The following FAM111B variants were observed in gnomAD, a reference collection of about 807,000 sequenced individuals.
FAM111B encodes serine protease FAM111B.
In FAM111B, 1 loss-of-function variant was observed where a neutral mutation model predicts 2.8. The ratio of observed to expected loss-of-function variants is 0.36; its 90% confidence interval spans 0.13 to 1.70. The LOEUF (loss-of-function observed/expected upper bound fraction) is 1.70, where lower values mean the gene tolerates loss of function less well. Ranked by LOEUF, FAM111B falls within the 40% of genes most tolerant of loss-of-function variation. The pLI, the probability that FAM111B is intolerant of heterozygous loss-of-function variation, is 0.35. For synonymous variants in FAM111B, 297 were observed against 295.6 expected (o/e 1.00, Z -0.05); for missense variants, 882 against 878.9 (o/e 1.00, Z -0.04).
At chr11:59,120,689 A>G (rs2135401377) in intron 3 of FAM111B, among the ~76,000 whole-genome samples, 1 of 152,274 alleles carries the variant, frequency 6.6e-6, no homozygotes, top group South Asian at 2.1e-4. Flanking sequence ...CCCTCTGTGT[A>G]TGTCTATGTC....
rs1262227528 is a variant in FAM111B, at chr11:59,125,956, T to TAA, written c.1860_1861insAA (p.Tyr621AsnfsTer86). On this transcript the variant is annotated frameshift_variant, in exon 4 of 4. Coordinates refer to ENST00000343597, the MANE Select transcript of FAM111B (RefSeq NM_198947.4). LOFTEE classifies it low-confidence loss of function (END_TRUNC). ...GATCTCTATGATACCACCAGTAATG[T>TAA]ATACTGTATGTTTACCCAAAGAAGT... The TAA allele has an allele frequency of 8.7e-6, 14 of 1,613,738 alleles. No homozygotes were observed. Among genetic ancestry groups the TAA allele is most frequent in the Non-Finnish European group, 1.2e-5 (14 of 1,179,764 alleles).
intron 3 of FAM111B, among the ~76,000 whole-genome samples, chr11:59,116,447 G>A (rs1433682093): frequency 6.6e-6 from 1 of 152,142 alleles, no homozygotes; most frequent in African/African-American, 2.4e-5. Context: ...GAAATTCTGT[G>A]TCCCAAAGGC....
chr11:59,115,647 TATC>T (rs1590889327), intron 3 of FAM111B, among the ~76,000 whole-genome samples: 1 of 152,252 alleles, frequency 6.6e-6, no homozygotes, highest in Non-Finnish European at 1.5e-5. Flanking sequence ...TGTATGCTAA[TATC>T]ATTGCATGTG....
intron 3 of FAM111B, among the ~76,000 whole-genome samples, chr11:59,118,206 G>C (rs1027008200): frequency 6.6e-5 from 10 of 152,218 alleles, no homozygotes; most frequent in African/African-American, 2.4e-4. Flanking sequence ...TGACTGTGGA[G>C]AGGTGGAATT....
Position 59,124,725 on chromosome 11 carries a change from A to T in FAM111B, c.628A>T (p.Lys210Ter). The change falls in exon 4 of 4, where the codon AAA (lysine) becomes TAA (stop). Residue 210 changes from lysine to a stop codon, truncating the protein, a stop_gained. Coordinates refer to ENST00000343597, the MANE Select transcript of FAM111B (RefSeq NM_198947.4). LOFTEE classifies it low-confidence loss of function (END_TRUNC). The stretch of plus-strand genomic sequence containing the variant: ...CAACGAACTTCATGAAAAAGGAAGT[A>T]AACTTTGTATTTATGCCTTGAAGGG... ...KINELHEKGSKLCIYALKGET... is the reference protein window; with the variant it reads ...KINELHEKGS 6.2e-7 allele frequency: 1 copy of T among 1,613,762 alleles called. No homozygotes were observed. The highest frequency in any genetic ancestry group is 1.1e-5 in the South Asian group (1 of 91,026).
chr11:59,125,534 C>T lies in FAM111B; in HGVS notation c.1437C>T (p.Val479=). Residue 479 remains valine, a synonymous_variant, in exon 4 of 4, where the codon GTC becomes GTT. Transcript: ENST00000343597. ...NGNTGNATCF[V]FNGGYIFTCR... is the part of the protein sequence containing the mutation. ...ACACAGGTAATGCTACTTGCTTTGT[C>T]TTCAATGGTGGTTATATTTTCACCT... is the stretch of plus-strand genomic sequence containing the variant. 1 of 1,613,940 alleles carries T rather than the reference C, an allele frequency of 6.2e-7. No individual in the cohort carries two copies.
At chr11:59,116,943 T>C (rs1249198807) in intron 3 of FAM111B, among the ~76,000 whole-genome samples, 1 of 152,176 alleles carries the variant, frequency 6.6e-6, no homozygotes, top group Non-Finnish European at 1.5e-5. Context: ...GGCATCCCTT[T>C]CTCCATTTGA....
In FAM111B at chr11:59,108,673, A is replaced by T. The variant is rs1859706119; in HGVS notation, c.-126A>T. The T allele has an allele frequency of 6.5e-6, 1 of 152,752 alleles. No individual in the cohort carries two copies. The highest frequency in any genetic ancestry group is 1.5e-5 in the Non-Finnish European group (1 of 68,406). 9.5% of individuals were successfully genotyped at this position (152,752 alleles called of 1,614,324 possible). A position where few individuals can be genotyped will look rare whatever the true frequency, so the allele number is the denominator to read the frequency against. ...TTGTTTTGTTTTCATACTAGGGGGA[A>T]ATCCAGTCCCTGTTACTCCATTTTG... On this transcript the variant is annotated 5_prime_UTR_variant, in exon 2 of 4. Coordinates refer to ENST00000343597, the MANE Select transcript of FAM111B (RefSeq NM_198947.4).
In FAM111B at chr11:59,125,374, C is replaced by G. The variant is rs754880919; in HGVS notation, c.1277C>G (p.Ser426Ter). ...GAAGAACAAAAGAGAATGAATCTTT[C>G]ACCAGCTAAGCAATTCAACATATAT... is the stretch of plus-strand genomic sequence containing the variant. ...FREEQKRMNL[S>*]PAKQFNIYKK... Residue 426 changes from serine to a stop codon, truncating the protein, a stop_gained, in exon 4 of 4, where the codon TCA becomes TGA. Coordinates refer to ENST00000343597, the MANE Select transcript of FAM111B (RefSeq NM_198947.4). LOFTEE classifies it low-confidence loss of function (END_TRUNC). 1.2e-6 allele frequency: 2 copies of G among 1,613,892 alleles called. No homozygotes were observed. The highest frequency in any genetic ancestry group is 1.3e-5 in the African/African-American group (1 of 75,042).
Position 59,124,571 on chromosome 11 carries a change from T to C in FAM111B, c.474T>C (p.Ile158=), listed in dbSNP as rs1859979404. 1 of 1,613,612 alleles carries C rather than the reference T, an allele frequency of 6.2e-7. No homozygotes were observed. Among genetic ancestry groups the C allele is most frequent in the African/African-American group, 1.3e-5 (1 of 75,048 alleles). The part of the protein sequence containing the change: ...KCLPSDSHFK[I]TFGQRKSSKE... Reference sequence around the variant, plus strand: ...TGCCTAGTGATTCTCATTTTAAAATTACATTTGGTCAAAGAAAGAGTAGCA... The same window carrying C: ...TGCCTAGTGATTCTCATTTTAAAATCACATTTGGTCAAAGAAAGAGTAGCA... Residue 158 remains isoleucine, a synonymous_variant, in exon 4 of 4, where the codon ATT becomes ATC. Transcript: ENST00000343597.
chr11:59,109,667 T>C lies in FAM111B; in HGVS notation c.42T>C (p.Ala14=). The change falls in exon 3 of 4, where the codon GCT becomes GCC. Residue 14 remains alanine, a synonymous_variant. Coordinates refer to ENST00000343597, the MANE Select transcript of FAM111B (RefSeq NM_198947.4). ...MKTEENKSFS[A]MEDDQRTRPE... is the part of the protein sequence containing the mutation. ...CTGAAGAAAACAAGTCATTTAGCGC[T>C]ATGGAAGATGACCAGAGGACTAGAC... The C allele has an allele frequency of 1.2e-6, 2 of 1,612,590 alleles. No homozygotes were observed. Among genetic ancestry groups the C allele is most frequent in the Non-Finnish European group, 1.7e-6 (2 of 1,179,200 alleles).
intron 3 of FAM111B, among the ~76,000 whole-genome samples, chr11:59,117,111 G>A (rs1418238496): frequency 1.3e-5 from 2 of 152,212 alleles, no homozygotes; most frequent in African/African-American, 4.8e-5. Context: ...TAAAGTCACA[G>A]GGGAGCTGCC....
intron 3 of FAM111B, among the ~76,000 whole-genome samples, chr11:59,116,892 T>A (rs80093351): frequency 2.2e-4 from 33 of 152,270 alleles, no homozygotes; most frequent in African/African-American, 7.9e-4. Flanking sequence ...TCCAGTAGAC[T>A]CTGAACGTGA....
At chr11:59,123,909 G>A (rs1859961633) in intron 3 of FAM111B, among the ~76,000 whole-genome samples, 1 of 151,966 alleles carries the variant, frequency 6.6e-6, no homozygotes, top group Non-Finnish European at 1.5e-5. Flanking sequence ...CCCATTAAAT[G>A]GTCTTAAGAC....
rs888153981 is a variant in FAM111B at position 59,126,124 on chromosome 11, A to G, written c.2027A>G (p.Asn676Ser). The change falls in exon 4 of 4, where the codon AAT becomes AGT. Residue 676 changes from asparagine to serine, a missense_variant. Asn to Ser is a conservative substitution (Grantham distance 46). Transcript: ENST00000343597. ...TFGLFYQRGFNVHALIEFGYS... is the reference protein window; with the variant it reads ...TFGLFYQRGFSVHALIEFGYS... ...GGGCTTTTTTATCAACGAGGATTTA[A>G]TGTGCATGCCCTTATTGAATTTGGT... 2 of 1,613,320 alleles carry G rather than the reference A, an allele frequency of 1.2e-6. No individual in the cohort carries two copies. The highest frequency in any genetic ancestry group is 2.7e-5 in the African/African-American group (2 of 74,850).
In FAM111B at chr11:59,120,968, C is replaced by T. The variant is rs79898493; in HGVS notation, c.82-3211C>T. ...CAGCATCGCTGGAGTAATTAGTTAT[C>T]CACATGCAAAAAATAAAAAGTGATA... On this transcript the variant is annotated intron_variant, in intron 3 of 3. Coordinates refer to ENST00000343597, the MANE Select transcript of FAM111B (RefSeq NM_198947.4). Among the ~76,000 whole-genome samples, 382 of 150,954 alleles carry T rather than the reference C, an allele frequency of 2.5e-3. 1 individual carries two copies. The highest frequency in any genetic ancestry group is 0.01 in the Middle Eastern group (3 of 294).
At chr11:59,113,373 C>G (rs1319934795) in intron 3 of FAM111B, among the ~76,000 whole-genome samples, 4 of 152,102 alleles carry the variant, frequency 2.6e-5, no homozygotes, top group South Asian at 2.1e-4. Context: ...GAAGGCAGAG[C>G]AGGGAGTGGG....
rs1860036556 is a variant in FAM111B at position 59,126,415 on chromosome 11, T to A, written c.*113T>A. 1 of 804,324 alleles carries A rather than the reference T, an allele frequency of 1.2e-6. No individual in the cohort carries two copies. The highest frequency in any genetic ancestry group is 1.9e-6 in the Non-Finnish European group (1 of 532,044). 49.8% of individuals were successfully genotyped at this position (804,324 alleles called of 1,614,324 possible). A position where few individuals can be genotyped will look rare whatever the true frequency, so the allele number is the denominator to read the frequency against. Reference sequence around the variant, plus strand: ...TGAAAATTGGCAAATGAGACCTAATTAAATCTTCTGCACAGCAAAAGAAAC... The same window carrying A: ...TGAAAATTGGCAAATGAGACCTAATAAAATCTTCTGCACAGCAAAAGAAAC... On this transcript the variant is annotated 3_prime_UTR_variant, in exon 4 of 4. Transcript: ENST00000343597.
At position 59,125,812 on chromosome 11, in the gene FAM111B, G is replaced by A. The variant is rs1318654456; in HGVS notation, c.1715G>A (p.Gly572Asp). ...CAGATTTCTCCTCAACCATCTACTG[G>A]TTTGATTTATTTAATTGGTCATCCT... ...WRQISPQPST[G>D]LIYLIGHPEG... is the part of the protein sequence containing the mutation. Residue 572 changes from glycine to aspartate, a missense_variant, in exon 4 of 4, where the codon GGT (glycine) becomes GAT (aspartate). Coordinates refer to ENST00000343597, the MANE Select transcript of FAM111B (RefSeq NM_198947.4). The A allele has an allele frequency of 1.2e-6, 2 of 1,613,866 alleles. No homozygotes were observed. The highest frequency in any genetic ancestry group is 3.3e-5 in the Admixed American group (2 of 60,000).
Sources: gnomAD v4.1 joint callset for allele counts (sites outside exome capture counted in the v4.1 genomes callset) on GRCh38, gnomAD v4.1.1 for gene constraint, MANE v1.5 for transcripts, NCBI Gene and HGNC (gene_info 2026-07-23, HGNC 2026-07-21) for gene names.